The following PPM1L variants were observed in gnomAD, a reference collection of about 807,000 sequenced individuals.
PPM1L encodes protein phosphatase 1L.
A neutral mutation model predicts 31.4 loss-of-function variants in PPM1L; 13 were observed. The observed-to-expected ratio is 0.41, with a 90% CI of 0.27 to 0.66. The LOEUF is 0.66. Among genes scored for constraint, PPM1L ranks in the 30% least tolerant of loss-of-function variants. The pLI, the probability that PPM1L is intolerant of heterozygous loss-of-function variation, is 0.29. For missense variants in PPM1L, 326 were observed against 453.7 expected, an observed-to-expected ratio of 0.72 and a Z score of 2.56; for synonymous variants, 184 against 175.4, an observed-to-expected ratio of 1.05 and a Z score of -0.39.
chr3:161,037,273 C>T (rs1278336701), intron 2 of PPM1L, among the ~76,000 whole-genome samples: 1 of 152,122 alleles, frequency 6.6e-6, no homozygotes, highest in Admixed American at 6.5e-5. Context: ...TCTGGAATCA[C>T]ATGCTCAGGG....
chr3:160,824,603 G>A (rs531969625), intron 1 of PPM1L, among the ~76,000 whole-genome samples: 3 of 152,268 alleles, frequency 2.0e-5, no homozygotes, highest in African/African-American at 7.2e-5. Flanking sequence ...CCTTGGGCAT[G>A]AGGGGTGCCA....
intron 1 of PPM1L, among the ~76,000 whole-genome samples, chr3:160,801,483 A>G (rs564593424): frequency 6.6e-6 from 1 of 152,250 alleles, no homozygotes; most frequent in African/African-American, 2.4e-5. Flanking sequence ...GACGAAGAAC[A>G]TTTAGAGCTG....
chr3:160,768,321 T>G (rs1344599191), intron 1 of PPM1L, among the ~76,000 whole-genome samples: 1 of 152,194 alleles, frequency 6.6e-6, no homozygotes, highest in East Asian at 1.9e-4. Context: ...AGAATTTTTT[T>G]CACTATAATC....
intron 1 of PPM1L, among the ~76,000 whole-genome samples, chr3:160,881,258 G>A (rs1712702338): frequency 6.6e-6 from 1 of 152,136 alleles, no homozygotes; most frequent in South Asian, 2.1e-4. Flanking sequence ...AGTTATTATT[G>A]TTCTATTGTT....
At chr3:160,933,886 A>T (rs914561326) in intron 1 of PPM1L, among the ~76,000 whole-genome samples, 2 of 152,214 alleles carry the variant, frequency 1.3e-5, no homozygotes, top group African/African-American at 4.8e-5. Flanking sequence ...TATCTTTAAT[A>T]AAAGTGCCTC....
intron 2 of PPM1L, among the ~76,000 whole-genome samples, chr3:160,987,477 C>T (rs1256124322): frequency 1.3e-5 from 2 of 152,198 alleles, no homozygotes; most frequent in Non-Finnish European, 2.9e-5. Context: ...GTATCCTTGA[C>T]TTAAGTTCCT....
intron 2 of PPM1L, among the ~76,000 whole-genome samples, chr3:161,016,982 TTTC>T (rs2108068498): frequency 6.6e-6 from 1 of 152,324 alleles, no homozygotes; most frequent in Non-Finnish European, 1.5e-5. Context: ...CTTCTTTTTT[TTTC>T]TTCTTCTTTA....
At chr3:160,872,682 T>G (rs910350493) in intron 1 of PPM1L, among the ~76,000 whole-genome samples, 1 of 152,158 alleles carries the variant, frequency 6.6e-6, no homozygotes, top group Admixed American at 6.5e-5. Context: ...ATCCCAGCAC[T>G]TTGGGAGGCT....
intron 2 of PPM1L, among the ~76,000 whole-genome samples, chr3:160,994,277 A>G (rs1356079038): frequency 1.3e-5 from 2 of 152,300 alleles, no homozygotes; most frequent in Non-Finnish European, 2.9e-5. Flanking sequence ...AGGGGCTTAC[A>G]TGCAGAGGAG....
chr3:160,920,630 C>T (rs1340021952), intron 1 of PPM1L, among the ~76,000 whole-genome samples: 2 of 125,470 alleles, frequency 1.6e-5, no homozygotes, highest in Non-Finnish European at 3.5e-5. Context: ...CACACACACA[C>T]ACACACACTC....
At chr3:160,843,202 T>A (rs1237232430) in intron 1 of PPM1L, among the ~76,000 whole-genome samples, 1 of 151,684 alleles carries the variant, frequency 6.6e-6, no homozygotes, top group Non-Finnish European at 1.5e-5. Flanking sequence ...GGATTTAGAC[T>A]TTTAAATATC....
intron 1 of PPM1L, among the ~76,000 whole-genome samples, chr3:160,893,576 T>C (rs568938405): frequency 3.3e-5 from 5 of 152,334 alleles, no homozygotes; most frequent in Non-Finnish European, 4.4e-5. Context: ...AGACCAAGAT[T>C]ATCCTGTACC....
intron 2 of PPM1L, among the ~76,000 whole-genome samples, chr3:161,046,380 C>G (rs1351790245): frequency 6.6e-6 from 1 of 152,078 alleles, no homozygotes; most frequent in Non-Finnish European, 1.5e-5. Flanking sequence ...CATCCCGAGA[C>G]TAAACCAGGA....
chr3:160,784,968 A>G (rs527738304), intron 1 of PPM1L, among the ~76,000 whole-genome samples: 17 of 152,238 alleles, frequency 1.1e-4, no homozygotes, highest in African/African-American at 1.2e-4. Context: ...TGACCAGTCT[A>G]TCTGGCTCTG....
chr3:160,974,568 C>T (rs1396220121), intron 2 of PPM1L, among the ~76,000 whole-genome samples: 5 of 151,900 alleles, frequency 3.3e-5, no homozygotes. Context: ...GCCATTGTAA[C>T]TGGTGTGAGA....
chr3:160,944,834 A>ATATAACATATATGT (rs1559897064), intron 1 of PPM1L, among the ~76,000 whole-genome samples: 1 of 48,042 alleles, frequency 2.1e-5, no homozygotes, highest in African/African-American at 6.3e-5. Context: ...TATATAACAT[A>ATATAACATATATGT]TATATGTTAT....
At chr3:160,806,846 AGGAAG>A (rs1712616159) in intron 1 of PPM1L, among the ~76,000 whole-genome samples, 1 of 151,352 alleles carries the variant, frequency 6.6e-6, no homozygotes, top group Non-Finnish European at 1.5e-5. Flanking sequence ...GAAGGAAAGA[AGGAAG>A]GGAGGGAAGG....
intron 2 of PPM1L, among the ~76,000 whole-genome samples, chr3:161,056,291 T>C (rs1365965121): frequency 1.3e-5 from 2 of 152,280 alleles, no homozygotes; most frequent in South Asian, 2.1e-4. Context: ...TGAATCTGAA[T>C]GTGTACTATC....
intron 1 of PPM1L, among the ~76,000 whole-genome samples, chr3:160,834,650 A>G (rs776477059): frequency 7.2e-5 from 11 of 152,022 alleles, no homozygotes; most frequent in Non-Finnish European, 1.2e-4. Context: ...ATTAAGTGCA[A>G]TCATATAGTA....
Sources: allele counts gnomAD v4.1 joint callset (sites outside exome capture counted in the v4.1 genomes callset), GRCh38; gene constraint gnomAD v4.1.1; transcripts MANE v1.5; gene names NCBI Gene and HGNC (gene_info 2026-07-23, HGNC 2026-07-21).